The following NFIB variants were observed in gnomAD, a reference collection of about 807,000 sequenced individuals.
NFIB encodes nuclear factor 1 B-type.
A neutral mutation model predicts 61.5 loss-of-function variants in NFIB; 11 were observed. That is an observed-to-expected ratio of 0.18 (90% CI 0.11 to 0.30). NFIB has a LOEUF of 0.30. Among genes scored for constraint, NFIB ranks in the 10% least tolerant of loss-of-function variants. NFIB has a pLI of 1.00. For missense variants in NFIB, 471 were observed against 608.9 expected (o/e 0.77, Z 2.38); for synonymous variants, 260 against 216.5 (o/e 1.20, Z -1.76).
At chr9:14,434,500 A>T in the NFIB span, among the ~76,000 whole-genome samples, 1 of 152,236 alleles carries the variant, frequency 6.6e-6, no homozygotes, top group East Asian at 1.9e-4. Context: ...GCAGAGACTC[A>T]AAAAGACTTG....
intron 3 of NFIB, among the ~76,000 whole-genome samples, chr9:14,171,660 C>A (rs2045578088): frequency 6.6e-6 from 1 of 152,128 alleles, no homozygotes; most frequent in African/African-American, 2.4e-5. Context: ...AGATAGGATT[C>A]TGGTGACTCC....
chr9:14,529,431 A>C, the NFIB span, among the ~76,000 whole-genome samples: 6 of 152,192 alleles, frequency 3.9e-5, no homozygotes, highest in African/African-American at 1.4e-4. Context: ...AGTTATTATA[A>C]AAATAAAAGA....
the NFIB span, among the ~76,000 whole-genome samples, chr9:14,444,962 T>C: frequency 2.0e-5 from 3 of 151,920 alleles, no homozygotes; most frequent in African/African-American, 7.2e-5. Flanking sequence ...TGTTCAACTG[T>C]GCTTGCTTTT....
intron 2 of NFIB, among the ~76,000 whole-genome samples, chr9:14,217,660 C>CAAAACAAAAAAAAAAAAAAAAAAAAAAA (rs2051088879): frequency 1.2e-5 from 1 of 81,522 alleles, no homozygotes; most frequent in East Asian, 5.4e-4. Context: ...AACTCCATCT[C>CAAAACAAAAAAAAAAAAAAAAAAAAAAA]AAAAAAAAAA....
chr9:14,358,569 G>C (rs1385815401), intron 1 of NFIB, among the ~76,000 whole-genome samples: 1 of 152,114 alleles, frequency 6.6e-6, no homozygotes, highest in African/African-American at 2.4e-5. Flanking sequence ...ATGACACTGA[G>C]GACTGAGGTG....
At chr9:14,220,885 A>ACACACACACACACC (rs1165598223) in intron 2 of NFIB, among the ~76,000 whole-genome samples, 1 of 143,024 alleles carries the variant, frequency 7.0e-6, no homozygotes, top group African/African-American at 2.6e-5. Flanking sequence ...ACACACACAC[A>ACACACACACACACC]CCACATCCCA....
chr9:14,220,110 T>C (rs1405730123), intron 2 of NFIB, among the ~76,000 whole-genome samples: 1 of 152,240 alleles, frequency 6.6e-6, no homozygotes, highest in Non-Finnish European at 1.5e-5. Flanking sequence ...GGCTGTGGTC[T>C]GATGGGCTCG....
At chr9:14,188,437 C>T (rs1241674169) in intron 2 of NFIB, among the ~76,000 whole-genome samples, 4 of 152,022 alleles carry the variant, frequency 2.6e-5, no homozygotes, top group East Asian at 3.9e-4. Flanking sequence ...TTTTATGGCA[C>T]GATTTTGACT....
chr9:14,266,403 C>T (rs914837783), intron 2 of NFIB, among the ~76,000 whole-genome samples: 3 of 151,832 alleles, frequency 2.0e-5, no homozygotes, highest in African/African-American at 4.8e-5. Flanking sequence ...CCAGCCTGTG[C>T]AACATAGTGA....
At position 14,087,324 on chromosome 9, in the gene NFIB, A is replaced by C. The variant is rs1044829505; in HGVS notation, c.*985T>G. The C allele has an allele frequency of 9.7e-6, 2 of 206,112 alleles. No homozygotes were observed. The highest frequency in any genetic ancestry group is 2.0e-5 in the Non-Finnish European group (2 of 100,690). 12.8% of individuals were successfully genotyped at this position (206,112 alleles called of 1,614,324 possible). On this transcript the variant is annotated 3_prime_UTR_variant, in exon 11 of 11. Coordinates refer to ENST00000380953, the MANE Select transcript of NFIB (RefSeq NM_001190737.2). ...GCCCTCAAAAACTGAGGGGAAAATA[A>C]ATTCGTTCAAAATTATTTTAAATTC...
At chr9:14,115,039 T>G (rs2037916877) in intron 9 of NFIB, among the ~76,000 whole-genome samples, 1 of 152,198 alleles carries the variant, frequency 6.6e-6, no homozygotes, top group Admixed American at 6.5e-5. Context: ...CATTAAGAAT[T>G]ACTGATGGGT....
the NFIB span, among the ~76,000 whole-genome samples, chr9:14,506,168 G>A: frequency 1.3e-5 from 2 of 152,092 alleles, no homozygotes; most frequent in Non-Finnish European, 2.9e-5. Context: ...ATCCTACAAA[G>A]TATGAATACA....
rs116546833 is a variant in NFIB, at chr9:14,185,956, T to C, written c.563-6176A>G. Among the ~76,000 whole-genome samples, 1,188 of 152,328 alleles carry C rather than the reference T, an allele frequency of 7.8e-3. 13 individuals carry two copies. The highest frequency in any genetic ancestry group is 0.026 in the African/African-American group (1,079 of 41,580). On this transcript the variant is annotated intron_variant, in intron 2 of 10. Coordinates refer to ENST00000380953, the MANE Select transcript of NFIB (RefSeq NM_001190737.2). Reference sequence around the variant, plus strand: ...TTTGTTGAAGGTCCATGTCCCTACTTTGCAAGCACTGAGGCAAGAAAGTTT... The same window carrying C: ...TTTGTTGAAGGTCCATGTCCCTACTCTGCAAGCACTGAGGCAAGAAAGTTT...
intron 2 of NFIB, among the ~76,000 whole-genome samples, chr9:14,268,861 A>C (rs1225078369): frequency 6.6e-6 from 1 of 152,180 alleles, no homozygotes; most frequent in Non-Finnish European, 1.5e-5. Context: ...AGACATACCC[A>C]AAATTAGAAG....
chr9:14,125,556 C>T, intron 7 of NFIB, 76 bp downstream of exon 7: 2 of 1,565,146 alleles, frequency 1.3e-6, no homozygotes, highest in Non-Finnish European at 8.6e-7. Context: ...TATTTATAAA[C>T]TTTTGCTCCG....
At chr9:14,182,151 C>T (rs2046847936) in intron 2 of NFIB, among the ~76,000 whole-genome samples, 1 of 152,150 alleles carries the variant, frequency 6.6e-6, no homozygotes. Flanking sequence ...CAACTGCAGA[C>T]CAACTTCTTC....
chr9:14,436,879 G>A, the NFIB span, among the ~76,000 whole-genome samples: 1 of 152,286 alleles, frequency 6.6e-6, no homozygotes, highest in Admixed American at 6.5e-5. Context: ...TTATAGTCTA[G>A]TGACTGAGAC....
intron 1 of NFIB, among the ~76,000 whole-genome samples, chr9:14,329,287 G>GT (rs975635577): frequency 1.3e-5 from 2 of 152,118 alleles, no homozygotes; most frequent in African/African-American, 2.4e-5. Flanking sequence ...TTGTATTAAT[G>GT]TTTTTTTCAG....
At chr9:14,126,751 C>G (rs905933113) in intron 6 of NFIB, among the ~76,000 whole-genome samples, 2 of 152,198 alleles carry the variant, frequency 1.3e-5, no homozygotes, top group Non-Finnish European at 2.9e-5. Context: ...ATCACAATGA[C>G]AGTTTAAAAC....
Sources: gnomAD v4.1 joint callset for allele counts (sites outside exome capture counted in the v4.1 genomes callset) on GRCh38, gnomAD v4.1.1 for gene constraint, MANE v1.5 for transcripts, NCBI Gene and HGNC (gene_info 2026-07-23, HGNC 2026-07-21) for gene names.